Variants in MSL2 observed in about 807,000 individuals in gnomAD.
MSL2 encodes the protein MSL complex subunit 2.
A neutral mutation model predicts 35.8 loss-of-function variants in MSL2; 2 were observed. The ratio of observed to expected loss-of-function variants is 0.06; its 90% CI spans 0.02 to 0.18. MSL2 has a LOEUF of 0.18. Among genes scored for constraint, MSL2 ranks in the 10% least tolerant of loss-of-function variants. The probability of loss-of-function intolerance (pLI) is 1.00; values close to 1 mark genes in which losing one functional copy is unlikely to be tolerated. For synonymous variants in MSL2, 296 were observed against 255.7 expected (o/e 1.16, Z -1.50); for missense variants, 523 against 706.7 (o/e 0.74, Z 2.95).
intron 1 of MSL2, among the ~76,000 whole-genome samples, chr3:136,169,792 G>A (rs796088864): frequency 6.5e-4 from 99 of 151,860 alleles, no homozygotes; most frequent in African/African-American, 2.3e-3. Context: ...ATGGTTAACT[G>A]GCCAGGCACG....
At chr3:136,176,882 G>C (rs1052033803) in intron 1 of MSL2, among the ~76,000 whole-genome samples, 6 of 152,052 alleles carry the variant, frequency 3.9e-5, no homozygotes, top group African/African-American at 7.2e-5. Context: ...AAATTACCCA[G>C]CCTCAGGTAT....
chr3:136,194,662 GAAA>G (rs367862548), intron 1 of MSL2: 79 of 183,320 alleles, frequency 4.3e-4, no homozygotes, highest in East Asian at 5.9e-4. Flanking sequence ...AAAGGTTTAA[GAAA>G]AAAAAAAAAA....
chr3:136,169,259 T>G (rs1939948864), intron 1 of MSL2, among the ~76,000 whole-genome samples: 1 of 133,698 alleles, frequency 7.5e-6, no homozygotes, highest in Non-Finnish European at 1.6e-5. Context: ...GGGGTGCTTA[T>G]TTTTTAAATG....
chr3:136,174,399 A>G (rs1467192455), intron 1 of MSL2, among the ~76,000 whole-genome samples: 1 of 152,224 alleles, frequency 6.6e-6, no homozygotes, highest in Non-Finnish European at 1.5e-5. Context: ...TACTTCTATT[A>G]AAACAGTCCA....
At chr3:136,174,707 T>C (rs1940121590) in intron 1 of MSL2, among the ~76,000 whole-genome samples, 1 of 152,200 alleles carries the variant, frequency 6.6e-6, no homozygotes, top group South Asian at 2.1e-4. Context: ...AAGTTAGCCT[T>C]AAATGCTTCA....
At chr3:136,193,605 A>G (rs914788483) in intron 1 of MSL2, among the ~76,000 whole-genome samples, 2 of 152,136 alleles carry the variant, frequency 1.3e-5, no homozygotes, top group South Asian at 2.1e-4. Context: ...GCACTCCATA[A>G]AAGTGGGAGT....
At position 136,195,444 on chromosome 3, in the gene MSL2, G is replaced by A. The variant is rs1940810316; in HGVS notation, c.-331C>T. The A allele has an allele frequency of 6.7e-6, 7 of 1,045,182 alleles. No individual in the cohort carries two copies. The highest frequency in any genetic ancestry group is 8.1e-6 in the Non-Finnish European group (7 of 868,180). 64.7% of individuals were successfully genotyped at this position (1,045,182 alleles called of 1,614,324 possible). On this transcript the variant is annotated 5_prime_UTR_variant, in exon 1 of 2. Transcript: ENST00000309993. Reference sequence around the variant, plus strand: ...GACTCGGAGCTCAGTCTAGCCCCGCGGCTCGGCAGGCGGCCTGCACTCGAG... The same window carrying A: ...GACTCGGAGCTCAGTCTAGCCCCGCAGCTCGGCAGGCGGCCTGCACTCGAG...
At chr3:136,169,212 TTTG>T (rs34080158) in intron 1 of MSL2, among the ~76,000 whole-genome samples, 13 of 87,658 alleles carry the variant, frequency 1.5e-4, no homozygotes, top group East Asian at 1.3e-3. Context: ...ATGGCTTGTT[TTTG>T]TTGTTGTTGT....
chr3:136,178,979 CTTTTT>C (rs763670751), intron 1 of MSL2, among the ~76,000 whole-genome samples: 13 of 101,810 alleles, frequency 1.3e-4, no homozygotes, highest in East Asian at 1.0e-3. Context: ...TGTTGGTTTT[CTTTTT>C]TTTTTTTTTT....
chr3:136,195,607 C>T lies in MSL2; in HGVS notation c.-494G>A. ...TCCATCCCAGTACAGGGCGCGGAGG[C>T]GGCGGCGACGGCAAGGACGACGGTC... On this transcript the variant is annotated 5_prime_UTR_variant, in exon 1 of 2. Transcript: ENST00000309993. 1.0e-6 allele frequency: 1 copy of T among 980,654 alleles called. No homozygotes were observed. Among genetic ancestry groups the T allele is most frequent in the Non-Finnish European group, 1.2e-6 (1 of 825,270 alleles). The allele number at this position is 980,654 out of a possible 1,614,324, so 60.7% of individuals were successfully genotyped here.
At chr3:136,158,500 G>C (rs1480905051) in intron 1 of MSL2, among the ~76,000 whole-genome samples, 1 of 151,906 alleles carries the variant, frequency 6.6e-6, no homozygotes, top group African/African-American at 2.4e-5. Context: ...AAAATCTAAA[G>C]CCAACTTTAC....
intron 1 of MSL2, among the ~76,000 whole-genome samples, chr3:136,173,910 A>G (rs1027076670): frequency 1.3e-5 from 2 of 152,144 alleles, no homozygotes; most frequent in African/African-American, 4.8e-5. Flanking sequence ...GACCATTCCA[A>G]AACATGCAAT....
Position 136,195,537 on chromosome 3 carries a change from C to A in MSL2, c.-424G>T. ...CAGGCGCGGGAGCAGGCCCCGGCCC[C>A]GTCTGAGGCGCGGCACGCTTCTCCC... On this transcript the variant is annotated 5_prime_UTR_variant, in exon 1 of 2. Transcript: ENST00000309993. The A allele has an allele frequency of 1.0e-6, 1 of 1,001,914 alleles. No homozygotes were observed. The highest frequency in any genetic ancestry group is 1.2e-6 in the Non-Finnish European group (1 of 840,800). 62.1% of individuals were successfully genotyped at this position (1,001,914 alleles called of 1,614,324 possible).
Position 136,152,695 on chromosome 3 carries a change from G to A in MSL2, c.186C>T (p.Cys62=). ...TACAAGTTTTGCAGACATAATGTTG[G>A]CAGGTGGAGTTGGTGGGTGCAATAG... ...QDPIAPTNST[C]QHYVCKTCKG... The change falls in exon 2 of 2, where the codon TGC becomes TGT. Residue 62 remains cysteine (C), a synonymous_variant. Transcript: ENST00000309993. 6.2e-7 allele frequency: 1 copy of A among 1,614,120 alleles called. No individual in the cohort carries two copies. Among genetic ancestry groups the A allele is most frequent in the Non-Finnish European group, 8.5e-7 (1 of 1,180,024 alleles).
intron 1 of MSL2, 118 bp from the exon 2 acceptor site, chr3:136,152,856 CCAGAT>C: frequency 6.9e-7 from 1 of 1,456,778 alleles, no homozygotes; most frequent in South Asian, 1.5e-5. Flanking sequence ...ACTCACTAGA[CCAGAT>C]AACAGAAAAT....
rs1249478517 is a variant in MSL2 at position 136,195,997 on chromosome 3, AGAC to A, written c.-887_-885del. On this transcript the variant is annotated 5_prime_UTR_variant, in exon 1 of 2. Transcript: ENST00000309993. ...GCCATTTTTTCGGCGCCACACACAC[AGAC>A]GACTCCTCCGCCGAGCACGACGGCC... Among the ~76,000 whole-genome samples, 3 of 150,868 alleles carry A rather than the reference AGAC, an allele frequency of 2.0e-5. No homozygotes were observed. The highest frequency in any genetic ancestry group is 1.3e-4 in the Admixed American group (2 of 15,182).
chr3:136,162,785 G>T (rs76077363), intron 1 of MSL2, among the ~76,000 whole-genome samples: 1 of 152,112 alleles, frequency 6.6e-6, no homozygotes. Context: ...CAAATTGGTG[G>T]TATAACAATC....
chr3:136,178,856 C>A (rs995798171), intron 1 of MSL2, among the ~76,000 whole-genome samples: 1 of 151,880 alleles, frequency 6.6e-6, no homozygotes, highest in African/African-American at 2.4e-5. Flanking sequence ...CTTTTTTTAA[C>A]CTCACACGTG....
chr3:136,195,871 G>A lies in MSL2; in HGVS notation c.-758C>T. The stretch of plus-strand genomic sequence containing the variant: ...CGCGGGCCGCCGCCGGCGGGCGGGA[G>A]GGGGCGGGGGGCAAGCCCGGCCGGG... On this transcript the variant is annotated 5_prime_UTR_variant, in exon 1 of 2. Coordinates refer to ENST00000309993, the MANE Select transcript of MSL2 (RefSeq NM_018133.4). 1 of 962,682 alleles carries A rather than the reference G, an allele frequency of 1.0e-6. No homozygotes were observed. The highest frequency in any genetic ancestry group is 1.2e-6 in the Non-Finnish European group (1 of 810,156). The allele number at this position is 962,682 out of a possible 1,614,324, so 59.6% of individuals were successfully genotyped here. A position where few individuals can be genotyped will look rare whatever the true frequency, so the allele number is the denominator to read the frequency against.
Sources: gnomAD v4.1 joint callset for allele counts (sites outside exome capture counted in the v4.1 genomes callset) on GRCh38, gnomAD v4.1.1 for gene constraint, MANE v1.5 for transcripts, NCBI Gene and HGNC (gene_info 2026-07-23, HGNC 2026-07-21) for gene names.